Variants in BMPR1A observed in about 807,000 individuals in gnomAD.
BMPR1A encodes bone morphogenetic protein receptor type 1A.
Under a neutral mutation model 66.0 loss-of-function variants are expected in BMPR1A, and 7 were observed. That is an observed-to-expected ratio of 0.11 (90% CI 0.06 to 0.20). The LOEUF (loss-of-function observed/expected upper bound fraction) is 0.20. Ranked by LOEUF, BMPR1A falls within the 10% of genes least tolerant of loss-of-function variation. The probability of loss-of-function intolerance (pLI) is 1.00; values close to 1 mark genes in which losing one functional copy is unlikely to be tolerated. For synonymous variants in BMPR1A, 200 were observed against 229.7 expected, an observed-to-expected ratio of 0.87 and a Z score of 1.17; for missense variants, 408 against 669.1, an observed-to-expected ratio of 0.61 and a Z score of 4.31.
intron 1 of BMPR1A, among the ~76,000 whole-genome samples, chr10:86,827,218 A>G (rs1023911794): frequency 1.3e-5 from 2 of 151,246 alleles, no homozygotes; most frequent in Non-Finnish European, 2.9e-5. Flanking sequence ...TCCCTTTAAC[A>G]TACTTTTTTT....
intron 2 of BMPR1A, among the ~76,000 whole-genome samples, chr10:86,873,325 C>T (rs1842876555): frequency 6.6e-6 from 1 of 151,976 alleles, no homozygotes; most frequent in Non-Finnish European, 1.5e-5. Flanking sequence ...TGGTTCACAC[C>T]TGTAATCTCA....
At chr10:86,844,881 G>A (rs1044582227) in intron 2 of BMPR1A, among the ~76,000 whole-genome samples, 3 of 152,182 alleles carry the variant, frequency 2.0e-5, no homozygotes, top group African/African-American at 4.8e-5. Context: ...GGTTCAAGTG[G>A]TTCTCCTGCC....
At chr10:86,857,429 C>A (rs181896745) in intron 2 of BMPR1A, among the ~76,000 whole-genome samples, 5 of 152,116 alleles carry the variant, frequency 3.3e-5, no homozygotes, top group African/African-American at 1.2e-4. Flanking sequence ...TGAAATTATC[C>A]CAGGAATGCA....
chr10:86,811,819 A>G (rs995542444), intron 1 of BMPR1A, among the ~76,000 whole-genome samples: 1 of 152,190 alleles, frequency 6.6e-6, no homozygotes, highest in African/African-American at 2.4e-5. Flanking sequence ...TTTTGTTTAA[A>G]TTTTATTTTA....
intron 1 of BMPR1A, among the ~76,000 whole-genome samples, chr10:86,809,862 A>G (rs911069258): frequency 5.3e-5 from 8 of 152,080 alleles, no homozygotes; most frequent in Non-Finnish European, 1.2e-4. Flanking sequence ...GGTGCCTCAT[A>G]TAGGTGGAAT....
chr10:86,864,193 C>T (rs543213552), intron 2 of BMPR1A, among the ~76,000 whole-genome samples: 2 of 152,318 alleles, frequency 1.3e-5, no homozygotes, highest in African/African-American at 4.8e-5. Context: ...ATGTGTCTAC[C>T]TGCTAATTAG....
intron 1 of BMPR1A, among the ~76,000 whole-genome samples, chr10:86,812,923 G>C (rs573789795): frequency 4.6e-5 from 7 of 152,256 alleles, no homozygotes; most frequent in African/African-American, 1.7e-4. Context: ...GTATCATAGA[G>C]AATAGTTTCA....
At chr10:86,920,207 C>T (rs1843642404) in intron 10 of BMPR1A, among the ~76,000 whole-genome samples, 1 of 152,162 alleles carries the variant, frequency 6.6e-6, no homozygotes, top group Non-Finnish European at 1.5e-5. Context: ...ACAAGCATTT[C>T]TTCATGATGG....
At chr10:86,771,094 A>G (rs1841251309) in intron 1 of BMPR1A, among the ~76,000 whole-genome samples, 1 of 152,232 alleles carries the variant, frequency 6.6e-6, no homozygotes, top group South Asian at 2.1e-4. Context: ...TAAGTGTATC[A>G]TTTAATTTTA....
intron 3 of BMPR1A, among the ~76,000 whole-genome samples, chr10:86,885,532 A>T (rs1589761405): frequency 6.6e-6 from 1 of 152,204 alleles, no homozygotes; most frequent in Non-Finnish European, 1.5e-5. Context: ...CTTCATTTTA[A>T]TTCGTCTACA....
At position 86,875,854 on chromosome 10, in the gene BMPR1A, T is replaced by G; in HGVS notation, c.-152-13T>G. On this transcript the variant is annotated splice_polypyrimidine_tract_variant and intron_variant, in intron 2 of 12. Coordinates refer to ENST00000372037, the MANE Select transcript of BMPR1A (RefSeq NM_004329.3). ...GTTGTATTCCTTACCTTTTAAATAT[T>G]TTTGTCTTTCAGGAGTCGTAAGAAA... is the stretch of plus-strand genomic sequence containing the variant. The G allele has an allele frequency of 3.0e-6, 2 of 668,468 alleles. No individual in the cohort carries two copies. Among genetic ancestry groups the G allele is most frequent in the South Asian group, 3.6e-5 (2 of 55,686 alleles). 41.4% of individuals were successfully genotyped at this position (668,468 alleles called of 1,614,324 possible).
chr10:86,866,412 T>TTTTC (rs1564707622), intron 2 of BMPR1A, among the ~76,000 whole-genome samples: 1 of 124,992 alleles, frequency 8.0e-6, no homozygotes, highest in African/African-American at 3.4e-5. Context: ...TTTTTTTTTT[T>TTTTC]TTTTTTTTTT....
intron 1 of BMPR1A, among the ~76,000 whole-genome samples, chr10:86,782,782 A>G (rs1190620371): frequency 2.0e-5 from 3 of 151,126 alleles, no homozygotes; most frequent in Non-Finnish European, 4.4e-5. Context: ...ATTTGCAAAT[A>G]TTTTCTCTCA....
intron 1 of BMPR1A, among the ~76,000 whole-genome samples, chr10:86,784,805 T>C (rs986023874): frequency 6.6e-6 from 1 of 152,198 alleles, no homozygotes; most frequent in Non-Finnish European, 1.5e-5. Context: ...TGATCGTTCA[T>C]AGTAGTCTCT....
intron 1 of BMPR1A, among the ~76,000 whole-genome samples, chr10:86,831,176 T>C (rs1255080454): frequency 1.3e-5 from 2 of 152,240 alleles, no homozygotes; most frequent in African/African-American, 4.8e-5. Context: ...TCTGCATCAG[T>C]ACAGCTGCAT....
intron 1 of BMPR1A, among the ~76,000 whole-genome samples, chr10:86,802,051 C>T (rs1182598778): frequency 1.3e-5 from 2 of 152,100 alleles, no homozygotes; most frequent in Non-Finnish European, 2.9e-5. Context: ...CCACAGTTTG[C>T]ATTCCTCAGG....
At chr10:86,888,611 G>A (rs2133386447) in intron 3 of BMPR1A, among the ~76,000 whole-genome samples, 1 of 152,170 alleles carries the variant, frequency 6.6e-6, no homozygotes, top group Middle Eastern at 3.4e-3. Flanking sequence ...AGGATCGCTT[G>A]AGCCCAGGAG....
intron 2 of BMPR1A, among the ~76,000 whole-genome samples, chr10:86,851,540 C>G (rs182994912): frequency 5.3e-5 from 8 of 152,286 alleles, no homozygotes; most frequent in Admixed American, 2.6e-4. Flanking sequence ...TGCTCAAGAT[C>G]TGCAAAGCAG....
At chr10:86,917,509 CT>C (rs1843593233) in intron 9 of BMPR1A, among the ~76,000 whole-genome samples, 183 bp downstream of exon 9, 1 of 152,214 alleles carries the variant, frequency 6.6e-6, no homozygotes, top group Admixed American at 6.5e-5. Flanking sequence ...TCTTTCTTTA[CT>C]AACCAGCTGA....
Sources: allele counts gnomAD v4.1 joint callset (sites outside exome capture counted in the v4.1 genomes callset), GRCh38; gene constraint gnomAD v4.1.1; transcripts MANE v1.5; gene names NCBI Gene and HGNC (gene_info 2026-07-23, HGNC 2026-07-21).